Variants in RSRC1 observed in about 807,000 individuals in gnomAD.
The protein encoded by RSRC1 is arginine and serine rich coiled-coil 1, also known as serine/Arginine-related protein 53.
In RSRC1, 39 loss-of-function variants were observed where a neutral mutation model predicts 49.1. The ratio of observed to expected loss-of-function variants is 0.79; its 90% confidence interval spans 0.61 to 1.04. The LOEUF (loss-of-function observed/expected upper bound fraction) is 1.04. Among genes scored for constraint, RSRC1 ranks in the 50% least tolerant of loss-of-function variants. RSRC1 has a pLI of 0.00. For synonymous variants in RSRC1, 143 were observed against 130.8 expected (o/e 1.09, Z -0.63); for missense variants, 388 against 402.4 (o/e 0.96, Z 0.31).
chr3:158,222,837 T>A (rs1722302494), intron 4 of RSRC1, among the ~76,000 whole-genome samples: 1 of 151,592 alleles, frequency 6.6e-6, no homozygotes, highest in South Asian at 2.1e-4. Flanking sequence ...TCAACATCAG[T>A]TCCTTCCTCT....
At chr3:158,523,473 A>G (rs1353776342) in intron 7 of RSRC1, among the ~76,000 whole-genome samples, 1 of 152,080 alleles carries the variant, frequency 6.6e-6, no homozygotes, top group African/African-American at 2.4e-5. Context: ...ATGGAAATTG[A>G]ATTAAAAGAT....
At chr3:158,325,861 G>A (rs574960434) in intron 5 of RSRC1, among the ~76,000 whole-genome samples, 99 of 152,256 alleles carry the variant, frequency 6.5e-4, no homozygotes, top group Non-Finnish European at 1.1e-3. Flanking sequence ...CTATCCATGA[G>A]CATGGAATGT....
chr3:158,402,245 A>G (rs1733929721), intron 6 of RSRC1, among the ~76,000 whole-genome samples: 1 of 151,838 alleles, frequency 6.6e-6, no homozygotes, highest in Non-Finnish European at 1.5e-5. Context: ...ATATCTTACT[A>G]GCACTGAGAG....
chr3:158,385,210 A>G (rs1008423871), intron 6 of RSRC1, among the ~76,000 whole-genome samples: 1 of 152,164 alleles, frequency 6.6e-6, no homozygotes, highest in Non-Finnish European at 1.5e-5. Flanking sequence ...TATGCTAGGC[A>G]ATGGGAATAT....
chr3:158,544,359 T>G lies in RSRC1; in HGVS notation c.*84T>G. The G allele has an allele frequency of 7.3e-6, 6 of 818,594 alleles. No homozygotes were observed. Among genetic ancestry groups the G allele is most frequent in the Non-Finnish European group, 9.7e-6 (5 of 516,714 alleles). 50.7% of individuals were successfully genotyped at this position (818,594 alleles called of 1,614,324 possible). On this transcript the variant is annotated 3_prime_UTR_variant, in exon 10 of 10. Coordinates refer to ENST00000611884, the MANE Select transcript of RSRC1 (RefSeq NM_001271838.2). ...AAATCCCAATATTAACTTTTTACTCTTAAAAAGAATTTTGCTGATTATATA... is the reference window on the plus strand; with the variant it reads ...AAATCCCAATATTAACTTTTTACTCGTAAAAAGAATTTTGCTGATTATATA...
At chr3:158,456,020 A>C (rs1737295604) in intron 6 of RSRC1, among the ~76,000 whole-genome samples, 1 of 147,704 alleles carries the variant, frequency 6.8e-6, no homozygotes, top group South Asian at 2.1e-4. Context: ...AAAAAGGAGC[A>C]ACACAATTTT....
At chr3:158,116,217 A>G (rs1714806373) in intron 1 of RSRC1, among the ~76,000 whole-genome samples, 1 of 152,174 alleles carries the variant, frequency 6.6e-6, no homozygotes, top group Non-Finnish European at 1.5e-5. Flanking sequence ...ATCATCAGCA[A>G]TGAATACTCT....
At chr3:158,148,847 G>A (rs1003025614) in intron 3 of RSRC1, among the ~76,000 whole-genome samples, 3 of 151,212 alleles carry the variant, frequency 2.0e-5, no homozygotes, top group Non-Finnish European at 2.9e-5. Context: ...GCAATGGCGC[G>A]ATCTCGGCTC....
At chr3:158,166,658 G>A (rs191839300) in intron 3 of RSRC1, among the ~76,000 whole-genome samples, 239 of 152,278 alleles carry the variant, frequency 1.6e-3, no homozygotes, top group Non-Finnish European at 3.0e-3. Flanking sequence ...AGGCTTAAAT[G>A]TGAATCAGGC....
At chr3:158,422,645 C>T (rs1219782903) in intron 6 of RSRC1, among the ~76,000 whole-genome samples, 4 of 150,634 alleles carry the variant, frequency 2.7e-5, no homozygotes, top group Admixed American at 1.3e-4. Context: ...CCTGAGGAAT[C>T]GCCACACTGA....
At chr3:158,328,412 T>C (rs1002637662) in intron 5 of RSRC1, among the ~76,000 whole-genome samples, 1 of 147,098 alleles carries the variant, frequency 6.8e-6, no homozygotes, top group African/African-American at 2.5e-5. Context: ...TCAGGAGCTC[T>C]TGTAGGGCAG....
At chr3:158,508,730 A>G (rs1192271227) in intron 7 of RSRC1, among the ~76,000 whole-genome samples, 1 of 152,200 alleles carries the variant, frequency 6.6e-6, no homozygotes, top group Non-Finnish European at 1.5e-5. Context: ...ACTACCGCTC[A>G]TTAGTCACTT....
At chr3:158,355,987 A>T (rs905117223) in intron 6 of RSRC1, among the ~76,000 whole-genome samples, 1 of 151,896 alleles carries the variant, frequency 6.6e-6, no homozygotes, top group African/African-American at 2.4e-5. Context: ...ATTAGGTAAG[A>T]GATTAATAAT....
intron 6 of RSRC1, among the ~76,000 whole-genome samples, chr3:158,427,492 T>A (rs1735514726): frequency 6.6e-6 from 1 of 151,762 alleles, no homozygotes; most frequent in Non-Finnish European, 1.5e-5. Context: ...ATTATATAAG[T>A]ATAGCCAAAA....
intron 7 of RSRC1, among the ~76,000 whole-genome samples, chr3:158,501,162 A>G (rs908305672): frequency 1.3e-5 from 2 of 152,062 alleles, no homozygotes; most frequent in South Asian, 2.1e-4. Context: ...ATGTATTTTC[A>G]TGGTTTTGAA....
intron 7 of RSRC1, among the ~76,000 whole-genome samples, chr3:158,493,986 T>G (rs1407163467): frequency 6.6e-6 from 1 of 152,076 alleles, no homozygotes; most frequent in African/African-American, 2.4e-5. Context: ...TAAACATACC[T>G]GAGATAGATT....
At chr3:158,516,897 C>T (rs970305890) in intron 7 of RSRC1, among the ~76,000 whole-genome samples, 2 of 152,196 alleles carry the variant, frequency 1.3e-5, no homozygotes, top group African/African-American at 2.4e-5. Context: ...GACTAGGAAA[C>T]GGAACTCCCT....
At chr3:158,365,181 G>A (rs1463500073) in intron 6 of RSRC1, among the ~76,000 whole-genome samples, 1 of 151,980 alleles carries the variant, frequency 6.6e-6, no homozygotes, top group African/African-American at 2.4e-5. Flanking sequence ...TTAAGTTCTG[G>A]GATACATGTG....
At chr3:158,241,843 A>G (rs966892820) in intron 4 of RSRC1, among the ~76,000 whole-genome samples, 1 of 152,074 alleles carries the variant, frequency 6.6e-6, no homozygotes, top group Non-Finnish European at 1.5e-5. Flanking sequence ...ATTTAAGCAT[A>G]TCATGCTAAT....
Sources: allele counts gnomAD v4.1 joint callset (sites outside exome capture counted in the v4.1 genomes callset), GRCh38; gene constraint gnomAD v4.1.1; transcripts MANE v1.5; gene names NCBI Gene and HGNC (gene_info 2026-07-23, HGNC 2026-07-21).